The following ZNF718 variants were observed in gnomAD, a reference collection of about 807,000 sequenced individuals.
ZNF718 encodes the protein zinc finger protein 718.
Under a neutral mutation model 2.6 loss-of-function variants are expected in ZNF718, and 3 were observed. The observed-to-expected ratio is 1.16, with a 90% CI of 0.53 to 3.01. ZNF718 has a LOEUF of 3.01. ZNF718 is among the 30% of genes most tolerant of loss of function. ZNF718 has a pLI of 0.03. For synonymous variants in ZNF718, 135 were observed against 77.9 expected, an observed-to-expected ratio of 1.73 and a Z score of -3.86; for missense variants, 468 against 230.0, an observed-to-expected ratio of 2.03 and a Z score of -6.69.
In ZNF718 at chr4:162,984, A is replaced by G. The variant is rs895764789; in HGVS notation, c.*862A>G. On this transcript the variant is annotated 3_prime_UTR_variant, in exon 4 of 4. Coordinates refer to ENST00000510175, the MANE Select transcript of ZNF718 (RefSeq NM_001039127.6). ...AAACTGTTAGATAATTTCTTTCTAT[A>G]TAAGTTGAAAAGGAGTAGCTTTTTG... The G allele has an allele frequency of 6.6e-6, 1 of 152,230 alleles. No individual in the cohort carries two copies. Among genetic ancestry groups the G allele is most frequent in the African/African-American group, 2.4e-5 (1 of 41,470 alleles). 9.4% of individuals were successfully genotyped at this position (152,230 alleles called of 1,614,324 possible).
At chr4:173,410 C>T (rs1045485372) in intron 3 of ZNF718, among the ~76,000 whole-genome samples, 2 of 152,112 alleles carry the variant, frequency 1.3e-5, no homozygotes, top group East Asian at 1.9e-4. Context: ...TAATTATTTC[C>T]ACCAAAATCG....
chr4:147,374 T>C (rs1553811587), intron 3 of ZNF718, among the ~76,000 whole-genome samples: 1 of 152,076 alleles, frequency 6.6e-6, no homozygotes, highest in East Asian at 1.9e-4. Flanking sequence ...TATAAACTAG[T>C]TTGGGGAGGT....
Position 162,090 on chromosome 4 carries a change from C to T in ZNF718, c.1405C>T (p.His469Tyr). The change falls in exon 4 of 4, where the codon CAT (histidine) becomes TAT (tyrosine). Residue 469 changes from histidine (H) to tyrosine (Y), a missense_variant. Physicochemically the swap from His to Tyr is moderately conservative, Grantham distance 83 (BLOSUM62 2). Coordinates refer to ENST00000510175, the MANE Select transcript of ZNF718 (RefSeq NM_001039127.6). ...AFKQYSNLPQ[H>Y]KRTHTGGKF is the part of the protein sequence containing the mutation. ...TAAGCAGTACTCCAACCTTCCTCAA[C>T]ATAAGAGAACTCATACTGGAGGAAA... 1.3e-6 allele frequency: 1 copy of T among 757,954 alleles called. No homozygotes were observed. The highest frequency in any genetic ancestry group is 1.4e-5 in the South Asian group (1 of 71,252). 47.0% of individuals were successfully genotyped at this position (757,954 alleles called of 1,614,324 possible).
chr4:124,878 G>A, intron 1 of ZNF718: 1 of 586,452 alleles, frequency 1.7e-6, no homozygotes, highest in Non-Finnish European at 2.9e-6. Flanking sequence ...GCTCTGCGCC[G>A]GTAGCCCTGC....
intron 3 of ZNF718, among the ~76,000 whole-genome samples, chr4:186,778 G>A (rs1176723714): frequency 6.6e-6 from 1 of 152,094 alleles, no homozygotes; most frequent in East Asian, 1.9e-4. Context: ...ATGTTTCTAT[G>A]TATACTGGCT....
chr4:135,054 C>T (rs1274513130), intron 3 of ZNF718, among the ~76,000 whole-genome samples: 1 of 151,974 alleles, frequency 6.6e-6, no homozygotes, highest in Admixed American at 6.6e-5. Context: ...CCATCCTGGC[C>T]AACGTGGTGA....
chr4:202,161 A>G (rs1315308149), exon 5 of ZNF718: 1 of 152,238 alleles, frequency 6.6e-6, no homozygotes, highest in East Asian at 1.9e-4. Context: ...TGATGGTTTT[A>G]TACAGGGAAA....
At chr4:200,388 C>T (rs1717875074) in intron 3 of ZNF718, among the ~76,000 whole-genome samples, 1 of 152,164 alleles carries the variant, frequency 6.6e-6, no homozygotes, top group South Asian at 2.1e-4. Context: ...TGTGCCTCAG[C>T]CTCCCAAGTA....
intron 3 of ZNF718, among the ~76,000 whole-genome samples, chr4:146,773 G>T (rs370176084): frequency 2.1e-5 from 3 of 145,188 alleles, no homozygotes; most frequent in South Asian, 4.3e-4. Context: ...TTGCTGGGGT[G>T]TTTTTTTTTT....
chr4:158,880 ACTTT>A (rs536270463), intron 3 of ZNF718, among the ~76,000 whole-genome samples: 134 of 117,272 alleles, frequency 1.1e-3, no homozygotes, highest in African/African-American at 4.0e-3. Context: ...AGTGAAAGAT[ACTTT>A]CTTTAGCCTT....
chr4:151,005 T>C (rs1716292775), intron 3 of ZNF718, among the ~76,000 whole-genome samples: 1 of 152,220 alleles, frequency 6.6e-6, no homozygotes, highest in African/African-American at 2.4e-5. Flanking sequence ...TGATACTTTT[T>C]TTCCTATAAT....
rs1200295761 is a variant in ZNF718 at position 162,802 on chromosome 4, T to C, written c.*680T>C. On this transcript the variant is annotated 3_prime_UTR_variant, in exon 4 of 4. Transcript: ENST00000510175. ...AAAACTATAGCTTAAAAAAAACCAG[T>C]TTATACTAGAAGATATTTTGTAGAT... is the stretch of plus-strand genomic sequence containing the variant. 6.6e-6 allele frequency: 1 copy of C among 152,132 alleles called. No individual in the cohort carries two copies. Among genetic ancestry groups the C allele is most frequent in the African/African-American group, 2.4e-5 (1 of 41,442 alleles). 9.4% of individuals were successfully genotyped at this position (152,132 alleles called of 1,614,324 possible).
In ZNF718 at chr4:162,292, A is replaced by T; in HGVS notation, c.*170A>T. The T allele has an allele frequency of 2.0e-6, 1 of 490,746 alleles. No homozygotes were observed. The highest frequency in any genetic ancestry group is 3.0e-5 in the East Asian group (1 of 33,384). The allele number at this position is 490,746 out of a possible 1,614,324, so 30.4% of individuals were successfully genotyped here. A position where few individuals can be genotyped will look rare whatever the true frequency, so the allele number is the denominator to read the frequency against. On this transcript the variant is annotated 3_prime_UTR_variant, in exon 4 of 4. Transcript: ENST00000510175. ...GGTGAGAAGCCATAAAAATATGAAAAATGTGGAAAAGCCTTCAAATGCTTG... is the reference window on the plus strand; with the variant it reads ...GGTGAGAAGCCATAAAAATATGAAATATGTGGAAAAGCCTTCAAATGCTTG...
intron 3 of ZNF718, among the ~76,000 whole-genome samples, chr4:144,128 G>A (rs535685037): frequency 6.6e-6 from 1 of 152,250 alleles, no homozygotes; most frequent in Non-Finnish European, 1.5e-5. Flanking sequence ...AATACTCTAG[G>A]TGGTATTTAA....
intron 3 of ZNF718, among the ~76,000 whole-genome samples, chr4:148,610 C>CAAAAAA (rs33957522): frequency 1.3e-5 from 1 of 74,506 alleles, no homozygotes; most frequent in Non-Finnish European, 2.8e-5. Context: ...GACTCTGTCT[C>CAAAAAA]AAAAAAAAAA....
intron 3 of ZNF718, among the ~76,000 whole-genome samples, chr4:193,110 T>C (rs1287217649): frequency 6.6e-6 from 1 of 152,210 alleles, no homozygotes; most frequent in Non-Finnish European, 1.5e-5. Flanking sequence ...CTATTTCTTC[T>C]GCTGAGTACT....
At chr4:191,744 TA>T (rs1717697299) in intron 3 of ZNF718, among the ~76,000 whole-genome samples, 1 of 152,122 alleles carries the variant, frequency 6.6e-6, no homozygotes, top group African/African-American at 2.4e-5. Flanking sequence ...AGAAAAATAT[TA>T]ATTTGGTCAT....
chr4:171,192 A>C (rs987817325), intron 3 of ZNF718, among the ~76,000 whole-genome samples: 33 of 151,970 alleles, frequency 2.2e-4, no homozygotes, highest in African/African-American at 6.5e-4. Flanking sequence ...TTGCTGCCTG[A>C]TCGTTCCTCT....
intron 3 of ZNF718, among the ~76,000 whole-genome samples, chr4:157,099 CTTTCTTTTTTT>C (rs1560119662): frequency 3.4e-5 from 2 of 58,902 alleles, no homozygotes. Context: ...TTCTTTCTTT[CTTTCTTTTTTT>C]TTTTTTTTTT....
Sources: gnomAD v4.1 joint callset for allele counts (sites outside exome capture counted in the v4.1 genomes callset) on GRCh38, gnomAD v4.1.1 for gene constraint, MANE v1.5 for transcripts, NCBI Gene and HGNC (gene_info 2026-07-23, HGNC 2026-07-21) for gene names.